LRP1B: variants seen among roughly 807,000 people sequenced by gnomAD.
LRP1B encodes low-density lipoprotein receptor-related protein 1B.
A neutral mutation model predicts 556.6 loss-of-function variants in LRP1B; 217 were observed. That is an observed-to-expected ratio of 0.39 (90% CI 0.35 to 0.44). The LOEUF (loss-of-function observed/expected upper bound fraction) is 0.44. LRP1B is among the 20% of genes least tolerant of loss of function. The probability of loss-of-function intolerance (pLI) is 1.00; values close to 1 mark genes in which losing one functional copy is unlikely to be tolerated. For missense variants in LRP1B, 5,053 were observed against 5,620.8 expected (o/e 0.90, Z 3.23); for synonymous variants, 2,047 against 1,865.8 (o/e 1.10, Z -2.50).
At chr2:142,061,662 C>T (rs570578153) in intron 1 of LRP1B, among the ~76,000 whole-genome samples, 11 of 151,986 alleles carry the variant, frequency 7.2e-5, no homozygotes, top group African/African-American at 2.2e-4. Flanking sequence ...CAGTTAAAAA[C>T]GACTAGTAGG....
intron 2 of LRP1B, among the ~76,000 whole-genome samples, chr2:141,755,413 T>C (rs986522762): frequency 6.6e-6 from 1 of 151,916 alleles, no homozygotes; most frequent in Non-Finnish European, 1.5e-5. Context: ...GGAAAAAAAT[T>C]AGCTTAAACT....
At chr2:141,350,052 G>T (rs1165954040) in intron 3 of LRP1B, among the ~76,000 whole-genome samples, 1 of 151,936 alleles carries the variant, frequency 6.6e-6, no homozygotes, top group African/African-American at 2.4e-5. Flanking sequence ...GTTTGTGCAG[G>T]GAAACTCCCG....
chr2:140,579,605 G>A (rs1456024078), intron 43 of LRP1B, among the ~76,000 whole-genome samples: 1 of 152,146 alleles, frequency 6.6e-6, no homozygotes, highest in Non-Finnish European at 1.5e-5. Context: ...CCTTTGGGAT[G>A]CCGAGGTGGG....
chr2:140,930,266 T>C (rs907629571), intron 20 of LRP1B, among the ~76,000 whole-genome samples: 1 of 152,120 alleles, frequency 6.6e-6, no homozygotes, highest in Non-Finnish European at 1.5e-5. Context: ...TAATACAATT[T>C]TATTGTATTT....
At chr2:140,406,190 G>A (rs182322610) in intron 66 of LRP1B, among the ~76,000 whole-genome samples, 5 of 152,036 alleles carry the variant, frequency 3.3e-5, no homozygotes, top group African/African-American at 7.2e-5. Context: ...CGGAACTTAT[G>A]TCAAAATAAC....
intron 67 of LRP1B, among the ~76,000 whole-genome samples, chr2:140,382,140 GA>G (rs1683535521): frequency 6.6e-6 from 1 of 152,114 alleles, no homozygotes; most frequent in Admixed American, 6.5e-5. Context: ...AAAGTTATAT[GA>G]ATGTCGATGT....
At chr2:141,875,905 C>T (rs1302756796) in intron 1 of LRP1B, among the ~76,000 whole-genome samples, 2 of 151,786 alleles carry the variant, frequency 1.3e-5, no homozygotes, top group African/African-American at 4.8e-5. Flanking sequence ...GCATTTTTTA[C>T]CTGTGAGAAT....
chr2:141,729,303 A>ATT (rs376960861), intron 2 of LRP1B, among the ~76,000 whole-genome samples: 2,589 of 149,214 alleles, frequency 0.017, 72 homozygotes, highest in African/African-American at 0.062. Flanking sequence ...ATGCTATGCT[A>ATT]TTCTTTTTTT....
chr2:140,726,445 C>T (rs1169873218), intron 35 of LRP1B, among the ~76,000 whole-genome samples: 1 of 152,184 alleles, frequency 6.6e-6, no homozygotes, highest in African/African-American at 2.4e-5. Context: ...CACAAGGCAG[C>T]TCATCCAGAG....
At position 141,832,168 on chromosome 2, in the gene LRP1B, A is replaced by G. The variant is rs1056324945; in HGVS notation, c.83-21767T>C. Among the ~76,000 whole-genome samples the G allele has an allele frequency of 4.0e-5, 6 of 151,700 alleles. No individual in the cohort carries two copies. In the South Asian group the frequency reaches 1.2e-3, roughly 31 times the overall value. ...ATACAGTTGGAATGACTATCACTCAATTTTTAAAAAATCTTTCTTCTCTGG... is the reference window on the plus strand; with the variant it reads ...ATACAGTTGGAATGACTATCACTCAGTTTTTAAAAAATCTTTCTTCTCTGG... On this transcript the variant is annotated intron_variant, in intron 1 of 90. Transcript: ENST00000389484.
Position 140,827,981 on chromosome 2 carries a change from A to AG in LRP1B, c.5209+12009dup, listed in dbSNP as rs1165555770. Among the ~76,000 whole-genome samples, 4 of 55,520 alleles carry AG rather than the reference A, an allele frequency of 7.2e-5. No homozygotes were observed. The East Asian group carries it at 2.4e-3, about 34-fold the overall frequency. 36.4% of individuals were successfully genotyped at this position (55,520 alleles called of 152,430 possible). ...GGGGTGACATAGTTAAATTACTGAAAGAAAAAAGCTGCTGAGCAAGAATAC... is the reference window on the plus strand; with the variant it reads ...GGGGTGACATAGTTAAATTACTGAAAGGAAAAAAGCTGCTGAGCAAGAATAC... On this transcript the variant is annotated intron_variant, in intron 31 of 90. Coordinates refer to ENST00000389484, the MANE Select transcript of LRP1B (RefSeq NM_018557.3).
intron 1 of LRP1B, among the ~76,000 whole-genome samples, chr2:142,127,410 C>T (rs1707694479): frequency 6.7e-6 from 1 of 149,114 alleles, no homozygotes; most frequent in South Asian, 2.1e-4. Context: ...ATCCATTCAT[C>T]TTTTTCCTAA....
intron 1 of LRP1B, among the ~76,000 whole-genome samples, chr2:141,895,643 T>C (rs1218126286): frequency 1.3e-5 from 2 of 152,150 alleles, no homozygotes; most frequent in Non-Finnish European, 1.5e-5. Flanking sequence ...TTGAGGAAAA[T>C]ACAGAATGTA....
At chr2:140,860,123 CA>C (rs1449738001) in intron 27 of LRP1B, among the ~76,000 whole-genome samples, 10 of 152,174 alleles carry the variant, frequency 6.6e-5, no homozygotes, top group African/African-American at 2.4e-4. Flanking sequence ...CAGAAAGATT[CA>C]GGTTCCAGAG....
chr2:140,233,397 T>A, intron 90 of LRP1B, 71 bp from the exon 91 acceptor site: 1 of 1,039,146 alleles, frequency 9.6e-7, no homozygotes, highest in South Asian at 1.8e-5. Flanking sequence ...CTTCCTAGAA[T>A]GTCCATCTCC....
intron 84 of LRP1B, among the ~76,000 whole-genome samples, chr2:140,294,443 AG>A (rs1372123925): frequency 6.6e-6 from 1 of 152,234 alleles, no homozygotes; most frequent in East Asian, 1.9e-4. Context: ...AGTCTCAAAA[AG>A]ATCCCAGACA....
chr2:141,468,729 G>C (rs13031144), intron 3 of LRP1B, among the ~76,000 whole-genome samples: 43,055 of 151,962 alleles, frequency 0.28, 6,954 homozygotes, highest in East Asian at 0.52. Context: ...GTCATTTATT[G>C]AACTGTATAG....
chr2:141,783,582 T>A (rs992506507), intron 2 of LRP1B, among the ~76,000 whole-genome samples: 19 of 151,956 alleles, frequency 1.3e-4, no homozygotes, highest in Admixed American at 2.0e-4. Flanking sequence ...AAAATTTATT[T>A]ATTTAGTGTT....
chr2:141,096,628 G>GAA (rs1558858128), intron 7 of LRP1B, among the ~76,000 whole-genome samples: 1 of 33,640 alleles, frequency 3.0e-5, no homozygotes, highest in African/African-American at 9.6e-5. Context: ...CGGGGAGAGG[G>GAA]GGAGAGAGAG....
Sources: gnomAD v4.1 joint callset for allele counts (sites outside exome capture counted in the v4.1 genomes callset) on GRCh38, gnomAD v4.1.1 for gene constraint, MANE v1.5 for transcripts, NCBI Gene and HGNC (gene_info 2026-07-23, HGNC 2026-07-21) for gene names.